Variants in EXOC4 observed in about 807,000 individuals in gnomAD.
EXOC4 encodes exocyst complex component 4.
Under a neutral mutation model 107.2 loss-of-function variants are expected in EXOC4, and 71 were observed. The observed-to-expected ratio is 0.66, with a 90% CI of 0.55 to 0.81. EXOC4 has a LOEUF of 0.81. EXOC4 is among the 30% of genes least tolerant of loss of function. The pLI is 0.00. For missense variants in EXOC4, 1,108 were observed against 1,189.6 expected (o/e 0.93, Z 1.01); for synonymous variants, 456 against 441.2 (o/e 1.03, Z -0.42).
chr7:133,709,599 TTTTAA>T (rs1794840295), intron 10 of EXOC4, among the ~76,000 whole-genome samples: 1 of 152,126 alleles, frequency 6.6e-6, no homozygotes, highest in African/African-American at 2.4e-5. Context: ...TTTAGCATTG[TTTTAA>T]AACATTCTCT....
chr7:134,064,556 G>T lies in EXOC4; in HGVS notation c.*28G>T. 5.4e-6 allele frequency: 8 copies of T among 1,468,614 alleles called. No homozygotes were observed. Among genetic ancestry groups the T allele is most frequent in the Non-Finnish European group, 7.4e-6 (8 of 1,082,550 alleles). The allele number at this position is 1,468,614 out of a possible 1,614,324, so 91.0% of individuals were successfully genotyped here. On this transcript the variant is annotated 3_prime_UTR_variant, in exon 18 of 18. Transcript: ENST00000253861. Reference sequence around the variant, plus strand: ...GGGCGTACTGCGGTTGGTGACGGGGGTCCCCTCAGTCACACTCACTTTTTT... The same window carrying T: ...GGGCGTACTGCGGTTGGTGACGGGGTTCCCCTCAGTCACACTCACTTTTTT...
At chr7:133,648,455 G>T (rs1201069531) in intron 10 of EXOC4, among the ~76,000 whole-genome samples, 1 of 152,146 alleles carries the variant, frequency 6.6e-6, no homozygotes, top group Non-Finnish European at 1.5e-5. Context: ...CATGAGATAT[G>T]TGCAATATAA....
intron 10 of EXOC4, among the ~76,000 whole-genome samples, chr7:133,674,165 T>C (rs900232976): frequency 2.2e-4 from 33 of 152,294 alleles, no homozygotes; most frequent in African/African-American, 7.0e-4. Context: ...TCCCAAAGGA[T>C]TGATGGCTAG....
chr7:133,762,358 C>G (rs1282530263), intron 10 of EXOC4, among the ~76,000 whole-genome samples: 1 of 152,040 alleles, frequency 6.6e-6, no homozygotes, highest in Non-Finnish European at 1.5e-5. Context: ...TCATAAATGG[C>G]TGGTGAATAT....
At chr7:133,454,040 T>A (rs1395882668) in intron 7 of EXOC4, among the ~76,000 whole-genome samples, 1 of 152,180 alleles carries the variant, frequency 6.6e-6, no homozygotes, top group African/African-American at 2.4e-5. Context: ...TCAAGACAAT[T>A]TATGATTAAG....
At chr7:133,464,039 C>G (rs1798657943) in intron 7 of EXOC4, among the ~76,000 whole-genome samples, 1 of 152,138 alleles carries the variant, frequency 6.6e-6, no homozygotes, top group Non-Finnish European at 1.5e-5. Context: ...TAGATATATA[C>G]TTACTGGAAT....
At chr7:134,080,463 A>G in the EXOC4 span, among the ~76,000 whole-genome samples, 4 of 152,158 alleles carry the variant, frequency 2.6e-5, no homozygotes, top group African/African-American at 9.6e-5. Context: ...TGTAACCACT[A>G]AGGAGTTTTA....
chr7:133,578,148 A>G (rs548105918), intron 9 of EXOC4, among the ~76,000 whole-genome samples: 4 of 152,276 alleles, frequency 2.6e-5, no homozygotes, highest in African/African-American at 9.6e-5. Context: ...TGATTGCAAC[A>G]TTGCTTTTCA....
chr7:133,526,920 C>T (rs760602102), intron 9 of EXOC4, among the ~76,000 whole-genome samples: 10 of 149,770 alleles, frequency 6.7e-5, no homozygotes, highest in Non-Finnish European at 1.0e-4. Flanking sequence ...TGCAGTGAGC[C>T]GAGATTGCGC....
intron 9 of EXOC4, among the ~76,000 whole-genome samples, chr7:133,514,165 G>GTTTTT (rs767757991): frequency 1.4e-5 from 2 of 144,822 alleles, no homozygotes; most frequent in Non-Finnish European, 3.1e-5. Context: ...ATCGTTTTTT[G>GTTTTT]TTTTTTTTTT....
chr7:133,492,689 G>T (rs1799394922), intron 9 of EXOC4, among the ~76,000 whole-genome samples: 1 of 151,480 alleles, frequency 6.6e-6, no homozygotes, highest in Non-Finnish European at 1.5e-5. Flanking sequence ...TAGTTTTAGT[G>T]CCCACTTTAG....
At chr7:133,462,486 C>G (rs1345123282) in intron 7 of EXOC4, among the ~76,000 whole-genome samples, 1 of 152,186 alleles carries the variant, frequency 6.6e-6, no homozygotes, top group East Asian at 1.9e-4. Context: ...GTAGAGATAA[C>G]AGCTCCATGA....
At chr7:133,833,501 G>A (rs1797854565) in intron 11 of EXOC4, among the ~76,000 whole-genome samples, 1 of 152,190 alleles carries the variant, frequency 6.6e-6, no homozygotes, top group African/African-American at 2.4e-5. Context: ...TCTGGGAAGA[G>A]ATGGCTTTGA....
intron 10 of EXOC4, among the ~76,000 whole-genome samples, chr7:133,757,442 G>A (rs1403209084): frequency 6.6e-6 from 1 of 152,234 alleles, no homozygotes; most frequent in Non-Finnish European, 1.5e-5. Flanking sequence ...GAAGTGTCCA[G>A]GTTGAGATGA....
At chr7:134,096,948 C>T in the EXOC4 span, among the ~76,000 whole-genome samples, 1 of 152,006 alleles carries the variant, frequency 6.6e-6, no homozygotes. Context: ...TATTAACCAT[C>T]ACAACTCTGT....
At chr7:133,884,956 A>G (rs1486584668) in intron 11 of EXOC4, among the ~76,000 whole-genome samples, 1 of 152,174 alleles carries the variant, frequency 6.6e-6, no homozygotes, top group African/African-American at 2.4e-5. Context: ...TAAGAGTACT[A>G]TTGTAGAAAT....
At chr7:133,523,858 G>C (rs1306267043) in intron 9 of EXOC4, among the ~76,000 whole-genome samples, 1 of 152,044 alleles carries the variant, frequency 6.6e-6, no homozygotes, top group Admixed American at 6.6e-5. Context: ...GGACATTTGG[G>C]TTGGTTCCAA....
At chr7:133,356,265 A>G in intron 5 of EXOC4, 65 bp from the exon 6 acceptor site, 1 of 1,530,260 alleles carries the variant, frequency 6.5e-7, no homozygotes, top group South Asian at 1.2e-5. Context: ...CGTTTATTAG[A>G]CTGCTCTGTT....
chr7:133,991,606 C>G (rs1219728662), intron 14 of EXOC4, among the ~76,000 whole-genome samples: 1 of 152,074 alleles, frequency 6.6e-6, no homozygotes, highest in African/African-American at 2.4e-5. Flanking sequence ...AATCTTTAAT[C>G]CATTTTCAGT....
Sources: allele counts gnomAD v4.1 joint callset (sites outside exome capture counted in the v4.1 genomes callset), GRCh38; gene constraint gnomAD v4.1.1; transcripts MANE v1.5; gene names NCBI Gene and HGNC (gene_info 2026-07-23, HGNC 2026-07-21).